Variants in ARSG observed in about 807,000 individuals in gnomAD.
ARSG encodes ASG.
In ARSG, 37 loss-of-function variants were observed where a neutral mutation model predicts 50.5. The observed-to-expected ratio is 0.73, with a 90% CI of 0.56 to 0.96. The LOEUF is 0.96. Ranked by LOEUF, ARSG falls within the 50% of genes least tolerant of loss-of-function variation. The probability of loss-of-function intolerance (pLI) is 0.00; values close to 1 mark genes in which losing one functional copy is unlikely to be tolerated. For synonymous variants in ARSG, 225 were observed against 254.6 expected, an observed-to-expected ratio of 0.88 and a Z score of 1.11; for missense variants, 629 against 675.3, an observed-to-expected ratio of 0.93 and a Z score of 0.76.
the ARSG span, among the ~76,000 whole-genome samples, chr17:68,430,807 GGT>G: frequency 2.0e-5 from 3 of 152,190 alleles, no homozygotes; most frequent in Non-Finnish European, 2.9e-5. Flanking sequence ...CCACACAGAG[GGT>G]GGCACATTGA....
intron 1 of ARSG, among the ~76,000 whole-genome samples, chr17:68,263,998 C>CTACTCGCCG (rs2075114199): frequency 2.0e-5 from 3 of 152,034 alleles, no homozygotes; most frequent in Non-Finnish European, 2.9e-5. Context: ...GCTGGGATTA[C>CTACTCGCCG]AGGCACGCAC....
the ARSG span, among the ~76,000 whole-genome samples, chr17:68,449,594 GTTGT>G: frequency 3.3e-5 from 5 of 152,146 alleles, no homozygotes; most frequent in Non-Finnish European, 7.3e-5. Context: ...ACGAGACCTG[GTTGT>G]TTAATAGTGG....
Position 68,384,000 on chromosome 17 carries a change from A to G in ARSG, c.983-1064A>G, listed in dbSNP as rs2080573129. 3.9e-5 allele frequency among the ~76,000 whole-genome samples: 6 copies of G among 152,220 alleles called. No individual in the cohort carries two copies. The South Asian group carries it at 1.2e-3, about 32-fold the overall frequency. ...CATTTCCCGTGTGGTGTGCTGGGCC[A>G]GGGACATCAAAGGTTCCGTTTGCAA... On this transcript the variant is annotated intron_variant, in intron 8 of 11. Transcript: ENST00000621439.
At chr17:68,379,806 A>G in intron 8 of ARSG, 1 of 985,270 alleles carries the variant, frequency 1.0e-6, no homozygotes, top group Non-Finnish European at 1.2e-6. Context: ...GCCCAACCAA[A>G]CTGTCGGAGG....
chr17:68,401,330 C>T lies in ARSG; in HGVS notation c.1213-30C>T, dbSNP rs760249324. 9 of 1,603,098 alleles carry T rather than the reference C, an allele frequency of 5.6e-6. No homozygotes were observed. In the Admixed American group the frequency reaches 1.5e-4, roughly 27 times the overall value. On this transcript the variant is annotated intron_variant, in intron 10 of 11. Coordinates refer to ENST00000621439, the MANE Select transcript of ARSG (RefSeq NM_001267727.2). Reference sequence around the variant, plus strand: ...GAGTCACCGAGTTCTGCCAATTTTTCTATTAGTAAGCTCTGCCACCCTTTC... The same window carrying T: ...GAGTCACCGAGTTCTGCCAATTTTTTTATTAGTAAGCTCTGCCACCCTTTC...
At chr17:68,360,631 C>G (rs910764245) in intron 6 of ARSG, among the ~76,000 whole-genome samples, 1 of 152,154 alleles carries the variant, frequency 6.6e-6, no homozygotes, top group Non-Finnish European at 1.5e-5. Context: ...TTTTAAGCAG[C>G]AGGCAAATCT....
intron 2 of ARSG, among the ~76,000 whole-genome samples, chr17:68,336,248 C>T (rs62088760): frequency 0.15 from 22,333 of 151,312 alleles, 1,816 homozygotes; most frequent in Middle Eastern, 0.24. Context: ...CTCACTCTGT[C>T]GCCCAGGCTG....
chr17:68,292,664 A>G (rs1341420308), intron 1 of ARSG, among the ~76,000 whole-genome samples: 4 of 152,032 alleles, frequency 2.6e-5, no homozygotes, highest in African/African-American at 9.7e-5. Context: ...CGCCACCGGG[A>G]GGAGTCGGCG....
intron 11 of ARSG, among the ~76,000 whole-genome samples, chr17:68,416,552 C>A (rs531634474): frequency 6.6e-6 from 1 of 152,266 alleles, no homozygotes; most frequent in East Asian, 1.9e-4. Context: ...ATTATTCCCC[C>A]AAATATGTTT....
chr17:68,286,669 T>C (rs1455418315), upstream of ARSG, among the ~76,000 whole-genome samples: 2 of 151,914 alleles, frequency 1.3e-5, no homozygotes, highest in Admixed American at 1.3e-4. Context: ...CATGCCCGGT[T>C]GATTTTTGTA....
chr17:68,282,504 A>AC (rs1327248499), intron 1 of ARSG, among the ~76,000 whole-genome samples: 4 of 151,976 alleles, frequency 2.6e-5, no homozygotes, highest in Non-Finnish European at 4.4e-5. Flanking sequence ...AAAAAAAAAA[A>AC]AACTACACAT....
intron 6 of ARSG, among the ~76,000 whole-genome samples, chr17:68,358,073 T>C (rs773013116): frequency 1.3e-5 from 2 of 152,024 alleles, no homozygotes; most frequent in African/African-American, 2.4e-5. Flanking sequence ...CGTGGTGATC[T>C]GCACATGTTG....
chr17:68,434,694 A>G, the ARSG span: 1 of 1,540,264 alleles, frequency 6.5e-7, no homozygotes, highest in East Asian at 2.3e-5. Context: ...CCCTTTAGAG[A>G]GGAGTTTGTT....
chr17:68,346,683 A>G, intron 3 of ARSG: 1 of 1,195,364 alleles, frequency 8.4e-7, no homozygotes, highest in South Asian at 1.5e-5. Flanking sequence ...TTGGCCAGAG[A>G]GGAAGATGAT....
rs111504766 is a variant in ARSG, at chr17:68,275,939, C to T, written c.-552+16513C>T. On this transcript the variant is annotated intron_variant, in intron 1 of 11. Coordinates refer to the ARSG transcript ENST00000448504. ...CGGAGGTTGCAGTGAGCTGAGACCG[C>T]ACCACTGCACTCCAGCCTAGGCAAC... Among the ~76,000 whole-genome samples the T allele has an allele frequency of 3.5e-3, 519 of 150,050 alleles. 4 individuals carry two copies. Among genetic ancestry groups the T allele is most frequent in the African/African-American group, 0.012 (503 of 40,826 alleles).
At chr17:68,437,547 G>C in the ARSG span, among the ~76,000 whole-genome samples, 1 of 150,174 alleles carries the variant, frequency 6.7e-6, no homozygotes, top group Non-Finnish European at 1.5e-5. Context: ...GTGAGGTTCT[G>C]TCTTAAGAAA....
intron 1 of ARSG, among the ~76,000 whole-genome samples, chr17:68,259,766 C>T (rs2075044286): frequency 6.6e-6 from 1 of 152,218 alleles, no homozygotes; most frequent in Admixed American, 6.5e-5. Context: ...CAACTGGCCA[C>T]ATTTTCAAGT....
the ARSG span, among the ~76,000 whole-genome samples, chr17:68,431,244 A>G: frequency 6.6e-6 from 1 of 152,174 alleles, no homozygotes; most frequent in African/African-American, 2.4e-5. Flanking sequence ...ACCACAGAGG[A>G]AGGGAGAGGC....
At position 68,271,634 on chromosome 17, in the gene ARSG, G is replaced by A. The variant is rs368721903; in HGVS notation, c.-552+12208G>A. The A allele has an allele frequency of 3.8e-5, 61 of 1,612,936 alleles. No individual in the cohort carries two copies. The highest frequency in any genetic ancestry group is 1.6e-4 in the Middle Eastern group (1 of 6,078). ...AGGAGGCTGTATCTCCAGCCAATGC[G>A]CTCCTTCAGAGCCATGATTGCTTGA... On this transcript the variant is annotated intron_variant, in intron 1 of 11. Transcript: ENST00000448504. This position sits in a 1 kb window ranked among gnomAD's most constrained non-coding sequence, Gnocchi z 5.3.
Sources: allele counts gnomAD v4.1 joint callset (sites outside exome capture counted in the v4.1 genomes callset), GRCh38; gene constraint gnomAD v4.1.1; non-coding constraint Gnocchi (gnomAD v3.1); transcripts MANE v1.5; gene names NCBI Gene and HGNC (gene_info 2026-07-23, HGNC 2026-07-21).